Variants in PTPRK observed in about 807,000 individuals in gnomAD.
PTPRK encodes the protein protein tyrosine phosphatase receptor type K.
PTPRK carries 75 observed loss-of-function variants against 178.0 expected under a neutral mutation model. That is an observed-to-expected ratio of 0.42 (90% CI 0.35 to 0.51). PTPRK has a LOEUF of 0.51. PTPRK is among the 20% of genes least tolerant of loss of function. The pLI, the probability that PTPRK is intolerant of heterozygous loss-of-function variation, is 0.02. For synonymous variants in PTPRK, 637 were observed against 620.6 expected, an observed-to-expected ratio of 1.03 and a Z score of -0.39; for missense variants, 1,441 against 1,797.8, an observed-to-expected ratio of 0.80 and a Z score of 3.59.
chr6:128,148,275 AT>A (rs1355099861), intron 7 of PTPRK, among the ~76,000 whole-genome samples: 1 of 152,176 alleles, frequency 6.6e-6, no homozygotes, highest in Non-Finnish European at 1.5e-5. Flanking sequence ...AAGTAGGTAG[AT>A]GCTGCCTAAA....
intron 13 of PTPRK, among the ~76,000 whole-genome samples, chr6:128,033,701 G>A (rs1775733712): frequency 6.6e-6 from 1 of 152,058 alleles, no homozygotes; most frequent in Admixed American, 6.6e-5. Flanking sequence ...GAGAGATCTA[G>A]TTTCTACAAA....
chr6:127,999,115 C>T (rs1777504496), intron 15 of PTPRK, among the ~76,000 whole-genome samples: 1 of 151,994 alleles, frequency 6.6e-6, no homozygotes, highest in Non-Finnish European at 1.5e-5. Flanking sequence ...TGTATATCAG[C>T]AAGACAACAG....
chr6:128,481,327 A>G (rs750504392), intron 1 of PTPRK, among the ~76,000 whole-genome samples: 1 of 152,170 alleles, frequency 6.6e-6, no homozygotes, highest in African/African-American at 2.4e-5. Context: ...ATGAAATTCT[A>G]TATCTTTTTT....
chr6:128,337,699 G>A (rs1019231883), intron 2 of PTPRK, among the ~76,000 whole-genome samples: 7 of 152,122 alleles, frequency 4.6e-5, no homozygotes, highest in Admixed American at 3.9e-4. Context: ...AGCATCACAC[G>A]AGTAATCAAA....
chr6:128,384,383 C>CTATT (rs1838389642), intron 2 of PTPRK, among the ~76,000 whole-genome samples: 2 of 110,102 alleles, frequency 1.8e-5, no homozygotes, highest in Admixed American at 2.3e-4. Context: ...GACAATATTT[C>CTATT]TATTTTTTTT....
At chr6:128,091,351 A>G (rs1049397540) in intron 7 of PTPRK, among the ~76,000 whole-genome samples, 33 of 152,194 alleles carry the variant, frequency 2.2e-4, no homozygotes, top group Admixed American at 1.4e-3. Context: ...GTTTAGCTCT[A>G]TGCTAAGATT....
rs1400830812 is a variant in PTPRK at position 127,969,460 on chromosome 6, C to T, written c.*767G>A. Reference sequence around the variant, plus strand: ...CCTGGTTTATGAATAAAAAGTTTATCTTCTACTTACACTAAAACATACAAA... The same window carrying T: ...CCTGGTTTATGAATAAAAAGTTTATTTTCTACTTACACTAAAACATACAAA... On this transcript the variant is annotated 3_prime_UTR_variant, in exon 30 of 30. Transcript: ENST00000368226. 6.6e-6 allele frequency: 1 copy of T among 152,052 alleles called. No individual in the cohort carries two copies. The highest frequency in any genetic ancestry group is 2.4e-5 in the African/African-American group (1 of 41,404). The allele number at this position is 152,052 out of a possible 1,614,324, so 9.4% of individuals were successfully genotyped here.
intron 2 of PTPRK, among the ~76,000 whole-genome samples, chr6:128,368,938 A>C (rs1835885605): frequency 1.4e-5 from 2 of 148,100 alleles, no homozygotes. Flanking sequence ...AACAAAACAA[A>C]AAACAAACAA....
At chr6:128,019,995 T>C (rs1027951706) in intron 13 of PTPRK, among the ~76,000 whole-genome samples, 86 of 152,274 alleles carry the variant, frequency 5.6e-4, no homozygotes, top group African/African-American at 1.9e-3. Flanking sequence ...TCAGTGGTTA[T>C]GGAGTTGTTT....
intron 7 of PTPRK, among the ~76,000 whole-genome samples, chr6:128,169,077 C>T (rs984624848): frequency 5.9e-5 from 9 of 151,868 alleles, no homozygotes; most frequent in African/African-American, 1.9e-4. Flanking sequence ...TCTGGAGAAT[C>T]GGTTACAGGC....
intron 1 of PTPRK, among the ~76,000 whole-genome samples, chr6:128,510,706 A>G (rs1857047332): frequency 6.6e-6 from 1 of 152,212 alleles, no homozygotes; most frequent in Non-Finnish European, 1.5e-5. Flanking sequence ...GCATTCACAG[A>G]CATATTATCA....
intron 7 of PTPRK, among the ~76,000 whole-genome samples, chr6:128,161,060 T>C (rs1798640696): frequency 6.6e-6 from 1 of 151,610 alleles, no homozygotes; most frequent in Non-Finnish European, 1.5e-5. Context: ...CCTCTATTCT[T>C]TTAAAATCTC....
Position 128,104,653 on chromosome 6 carries a change from A to G in PTPRK, c.1163-14661T>C, listed in dbSNP as rs895042973. ...TCTTTAGTCAGTAAGTTCCTGGCAT[A>G]TAAGTGACCTACACATTTTTACTGA... On this transcript the variant is annotated intron_variant, in intron 7 of 29. Coordinates refer to ENST00000368226, the MANE Select transcript of PTPRK (RefSeq NM_002844.4). Among the ~76,000 whole-genome samples, 6 of 152,174 alleles carry G rather than the reference A, an allele frequency of 3.9e-5. No homozygotes were observed. The East Asian group carries it at 1.2e-3, about 29-fold the overall frequency.
intron 7 of PTPRK, among the ~76,000 whole-genome samples, chr6:128,174,405 T>C (rs1041781841): frequency 6.6e-6 from 1 of 151,878 alleles, no homozygotes; most frequent in Non-Finnish European, 1.5e-5. Flanking sequence ...TAAGTGAGCA[T>C]CAGAGGATCA....
intron 2 of PTPRK, among the ~76,000 whole-genome samples, chr6:128,384,221 G>A (rs933591618): frequency 6.6e-6 from 1 of 152,112 alleles, no homozygotes; most frequent in East Asian, 1.9e-4. Flanking sequence ...ACTTCTCATA[G>A]ATATGTTCCA....
intron 11 of PTPRK, among the ~76,000 whole-genome samples, chr6:128,073,741 T>C (rs1294606287): frequency 6.6e-6 from 1 of 152,036 alleles, no homozygotes; most frequent in Non-Finnish European, 1.5e-5. Flanking sequence ...AGAAAAATTA[T>C]AATGATTCTA....
At chr6:128,103,153 A>G (rs1249509728) in intron 7 of PTPRK, among the ~76,000 whole-genome samples, 1 of 152,128 alleles carries the variant, frequency 6.6e-6, no homozygotes, top group African/African-American at 2.4e-5. Context: ...AGGAGTGTCT[A>G]AATGTTGAGG....
intron 3 of PTPRK, among the ~76,000 whole-genome samples, chr6:128,276,536 T>C (rs935681197): frequency 2.0e-5 from 3 of 152,148 alleles, no homozygotes; most frequent in African/African-American, 7.2e-5. Flanking sequence ...ATGTTTACCA[T>C]AAACATTTAT....
rs1809852962 is a variant in PTPRK at position 128,218,868 on chromosome 6, T to C, written c.868+54A>G. 7 of 1,456,174 alleles carry C rather than the reference T, an allele frequency of 4.8e-6. 1 individual carries two copies. In the South Asian group the frequency reaches 9.0e-5, roughly 19 times the overall value. 90.2% of individuals were successfully genotyped at this position (1,456,174 alleles called of 1,614,324 possible). On this transcript the variant is annotated intron_variant, in intron 6 of 29. Coordinates refer to ENST00000368226, the MANE Select transcript of PTPRK (RefSeq NM_002844.4). Reference sequence around the variant, plus strand: ...TCAATCAAAATATCTACAGAGTTGCTTTTGTTCTAATAAAGCCATGCAATT... The same window carrying C: ...TCAATCAAAATATCTACAGAGTTGCCTTTGTTCTAATAAAGCCATGCAATT...
Sources: allele counts gnomAD v4.1 joint callset (sites outside exome capture counted in the v4.1 genomes callset), GRCh38; gene constraint gnomAD v4.1.1; transcripts MANE v1.5; gene names NCBI Gene and HGNC (gene_info 2026-07-23, HGNC 2026-07-21).